Variants in CNTRL observed in about 807,000 individuals in gnomAD.
CNTRL encodes centriolin.
A neutral mutation model predicts 303.7 loss-of-function variants in CNTRL; 233 were observed. The observed-to-expected ratio is 0.77, with a 90% CI of 0.69 to 0.86. CNTRL has a LOEUF of 0.86. Ranked by LOEUF, CNTRL falls within the 40% of genes least tolerant of loss-of-function variation. The pLI, the probability that CNTRL is intolerant of heterozygous loss-of-function variation, is 0.00. For synonymous variants in CNTRL, 900 were observed against 922.2 expected, an observed-to-expected ratio of 0.98 and a Z score of 0.44; for missense variants, 2,524 against 2,650.6, an observed-to-expected ratio of 0.95 and a Z score of 1.05.
At chr9:121,091,941 C>T (rs988451009) in intron 4 of CNTRL, among the ~76,000 whole-genome samples, 3 of 144,118 alleles carry the variant, frequency 2.1e-5, no homozygotes, top group Non-Finnish European at 4.5e-5. Context: ...TAGGCCGATG[C>T]CCTCTCTTAC....
intron 7 of CNTRL, among the ~76,000 whole-genome samples, chr9:121,103,445 C>T (rs1355137830): frequency 3.3e-5 from 5 of 152,046 alleles, no homozygotes; most frequent in East Asian, 1.9e-4. Flanking sequence ...CCATAAAAAC[C>T]CTAGAAGAAA....
rs928000454 is a variant in CNTRL, at chr9:121,164,977, G to A, written c.5458G>A (p.Glu1820Lys). The A allele has an allele frequency of 6.2e-7, 1 of 1,612,638 alleles. No homozygotes were observed. Residue 1820 changes from glutamate to lysine, a missense_variant, in exon 35 of 44, where the codon GAG becomes AAG. Physicochemically the swap from Glu to Lys is moderately conservative, Grantham distance 56 (BLOSUM62 1). Coordinates refer to ENST00000373855, the MANE Select transcript of CNTRL (RefSeq NM_007018.6). ...AGCAGCAGAAGAAAATAGCAAAATG[G>A]AGCAATCAAACTTAGAAAAGTTGGA... ...LAAAEENSKM[E>K]QSNLEKLELN... is the part of the protein sequence containing the mutation.
intron 19 of CNTRL, among the ~76,000 whole-genome samples, chr9:121,142,913 CT>C (rs60012342): frequency 1.1e-3 from 157 of 147,256 alleles, no homozygotes; most frequent in East Asian, 7.7e-3. Context: ...CCAACTATAA[CT>C]TTTTTTTTTT....
chr9:121,092,129 ATTGC>A (rs1474149169), intron 4 of CNTRL, among the ~76,000 whole-genome samples: 1 of 146,928 alleles, frequency 6.8e-6, no homozygotes. Flanking sequence ...GCAAACATGT[ATTGC>A]TTATATATTT....
chr9:121,158,743 G>A, intron 30 of CNTRL, 112 bp from the exon 31 acceptor site: 2 of 1,033,250 alleles, frequency 1.9e-6, no homozygotes, highest in Non-Finnish European at 2.9e-6. Context: ...TCTGACTCTT[G>A]GGGGCTAGGA....
Position 121,166,145 on chromosome 9 carries a change from G to A in CNTRL, c.5620G>A (p.Ala1874Thr), listed in dbSNP as rs1341870106. 1 of 1,612,358 alleles carries A rather than the reference G, an allele frequency of 6.2e-7. No individual in the cohort carries two copies. The highest frequency in any genetic ancestry group is 8.5e-7 in the Non-Finnish European group (1 of 1,179,534). ...AGTAAACTCACTGCAGGAGGAACTA[G>A]CTAATGTCCAAGACCATTTGAACCT... ...EAVNSLQEELANVQDHLNLAK... is the reference protein window; with the variant it reads ...EAVNSLQEELTNVQDHLNLAK... The change falls in exon 36 of 44, where the codon GCT (alanine) becomes ACT (threonine). Residue 1874 changes from alanine to threonine, a missense_variant. Ala to Thr is a moderately conservative substitution (Grantham distance 58). Coordinates refer to ENST00000373855, the MANE Select transcript of CNTRL (RefSeq NM_007018.6).
intron 2 of CNTRL, 127 bp from the exon 3 acceptor site, chr9:121,088,169 G>C: frequency 1.6e-6 from 1 of 607,714 alleles, no homozygotes; most frequent in Non-Finnish European, 2.9e-6. Flanking sequence ...CATCAGCTTG[G>C]AGTAGTATGG....
intron 37 of CNTRL, 40 bp downstream of exon 37, chr9:121,167,717 G>T (rs200770280): frequency 5.1e-6 from 8 of 1,559,720 alleles, no homozygotes; most frequent in Non-Finnish European, 7.0e-6. Flanking sequence ...AAAGCATTTT[G>T]TGGCTCATGT....
chr9:121,170,691 G>GAC (rs2053267917), intron 39 of CNTRL, among the ~76,000 whole-genome samples: 1 of 152,150 alleles, frequency 6.6e-6, no homozygotes, highest in South Asian at 2.1e-4. Flanking sequence ...CTGACCTTGT[G>GAC]ATCCACACGA....
At chr9:121,152,201 A>C (rs574430517) in intron 25 of CNTRL, 1 of 328,616 alleles carries the variant, frequency 3.0e-6, no homozygotes, top group Non-Finnish European at 5.7e-6. Context: ...ACTTCTGTCT[A>C]TCTCTTCTGC....
chr9:121,107,587 T>C (rs1266173414), intron 7 of CNTRL, among the ~76,000 whole-genome samples: 2 of 152,208 alleles, frequency 1.3e-5, no homozygotes, highest in African/African-American at 4.8e-5. Context: ...GGAAGTAAAG[T>C]ATTATCTTTT....
At chr9:121,134,434 G>A (rs559290747) in intron 14 of CNTRL, among the ~76,000 whole-genome samples, 1 of 152,238 alleles carries the variant, frequency 6.6e-6, no homozygotes, top group South Asian at 2.1e-4. Context: ...GGGACTACAG[G>A]CGTGTGCCAC....
At chr9:121,174,918 T>C (rs2053458360) in intron 42 of CNTRL, 100 bp from the exon 43 acceptor site, 1 of 1,043,868 alleles carries the variant, frequency 9.6e-7, no homozygotes, top group East Asian at 2.4e-5. Context: ...CCATTCCTAC[T>C]GTTAGCCAGA....
rs571867850 is a variant in CNTRL, at chr9:121,150,476, A to T, written c.3956A>T (p.His1319Leu). 3 of 1,614,004 alleles carry T rather than the reference A, an allele frequency of 1.9e-6. No homozygotes were observed. Residue 1319 changes from histidine (H) to leucine (L), a missense_variant, in exon 25 of 44, where the codon CAT becomes CTT. Coordinates refer to ENST00000373855, the MANE Select transcript of CNTRL (RefSeq NM_007018.6). ...GVLHCNVPEHHNLENEVSRLE... is the reference protein window; with the variant it reads ...GVLHCNVPEHLNLENEVSRLE... ...CTGCATTGCAACGTCCCTGAACACC[A>T]TAACTTAGTAAGTGGAAAGACATAC...
chr9:121,101,189 T>G (rs1015150973), intron 7 of CNTRL, among the ~76,000 whole-genome samples: 42 of 152,160 alleles, frequency 2.8e-4, no homozygotes, highest in Non-Finnish European at 5.3e-4. Flanking sequence ...ACAGAAATTA[T>G]AACAAACTGT....
chr9:121,144,826 T>C lies in CNTRL; in HGVS notation c.3052-17T>C, dbSNP rs777806836. 2 of 1,598,446 alleles carry C rather than the reference T, an allele frequency of 1.3e-6. No homozygotes were observed. The highest frequency in any genetic ancestry group is 1.7e-6 in the Non-Finnish European group (2 of 1,166,938). On this transcript the variant is annotated splice_polypyrimidine_tract_variant and intron_variant, in intron 20 of 43. Transcript: ENST00000373855. ...TGTGATAGCAGTGGTGCCTTTCTCA[T>C]ACTTCTGTCCCAGTAGGAGTTGCAG...
chr9:121,157,377 T>G (rs1177617316), intron 27 of CNTRL, 93 bp from the exon 28 acceptor site: 2 of 1,305,172 alleles, frequency 1.5e-6, no homozygotes, highest in African/African-American at 2.9e-5. Context: ...CTGTACCATC[T>G]TGTTTTCCAA....
intron 12 of CNTRL, among the ~76,000 whole-genome samples, chr9:121,122,968 G>A (rs1379410127): frequency 1.3e-5 from 2 of 152,084 alleles, no homozygotes; most frequent in Non-Finnish European, 2.9e-5. Flanking sequence ...TCAGCTCTCA[G>A]TTTATTGAAA....
intron 3 of CNTRL, among the ~76,000 whole-genome samples, chr9:121,089,791 T>C (rs1036957741): frequency 3.9e-5 from 6 of 152,162 alleles, no homozygotes; most frequent in Admixed American, 3.9e-4. Context: ...AAGTTCTGGA[T>C]TTGTGCCTTA....
Sources: gnomAD v4.1 joint callset for allele counts (sites outside exome capture counted in the v4.1 genomes callset) on GRCh38, gnomAD v4.1.1 for gene constraint, MANE v1.5 for transcripts, NCBI Gene and HGNC (gene_info 2026-07-23, HGNC 2026-07-21) for gene names.